Variants in CLNK observed in about 807,000 individuals in gnomAD.
CLNK encodes cytokine-dependent hematopoietic cell linker.
In CLNK, 74 loss-of-function variants were observed where a neutral mutation model predicts 68.6. The observed-to-expected ratio is 1.08, with a 90% CI of 0.89 to 1.31. The LOEUF is 1.31. CLNK is among the 50% of genes most tolerant of loss of function. CLNK has a pLI of 0.00. For synonymous variants in CLNK, 198 were observed against 172.2 expected (o/e 1.15, Z -1.17); for missense variants, 553 against 515.3 (o/e 1.07, Z -0.71).
chr4:10,538,440 TTAA>T (rs1718884866), intron 11 of CLNK, among the ~76,000 whole-genome samples: 1 of 152,254 alleles, frequency 6.6e-6, no homozygotes, highest in African/African-American at 2.4e-5. Context: ...CAATATTTTA[TTAA>T]TCCTATTTTC....
At chr4:10,575,168 TA>T (rs1337776383) in intron 4 of CLNK, among the ~76,000 whole-genome samples, 1 of 152,202 alleles carries the variant, frequency 6.6e-6, no homozygotes. Flanking sequence ...GGTAATCCCG[TA>T]CCTATCTCCA....
chr4:10,537,966 T>C (rs1465433631), intron 11 of CLNK, among the ~76,000 whole-genome samples: 2 of 151,826 alleles, frequency 1.3e-5, no homozygotes, highest in Non-Finnish European at 2.9e-5. Context: ...TTTTCTGAAG[T>C]CATACTGCCA....
chr4:10,601,083 C>T (rs1198698735), intron 2 of CLNK, among the ~76,000 whole-genome samples: 3 of 152,142 alleles, frequency 2.0e-5, no homozygotes, highest in Admixed American at 6.5e-5. Context: ...CCCTCAGTAG[C>T]GAATAGGCAG....
intron 11 of CLNK, among the ~76,000 whole-genome samples, chr4:10,537,400 C>T (rs776632235): frequency 2.0e-5 from 3 of 152,132 alleles, no homozygotes; most frequent in Non-Finnish European, 4.4e-5. Flanking sequence ...ATCAATTGAA[C>T]CCGGGAGGCA....
chr4:10,582,570 TATTTTATGGAA>T (rs565022084), intron 4 of CLNK, among the ~76,000 whole-genome samples: 48 of 152,318 alleles, frequency 3.2e-4, no homozygotes, highest in Non-Finnish European at 6.0e-4. Context: ...CTCATGAGTT[TATTTTATGGAA>T]AGCATTGCAC....
intron 8 of CLNK, among the ~76,000 whole-genome samples, chr4:10,547,525 C>A (rs1477851398): frequency 1.3e-5 from 2 of 152,102 alleles, no homozygotes; most frequent in Non-Finnish European, 2.9e-5. Flanking sequence ...ATCCTCTTAG[C>A]AAACTTTAAG....
intron 2 of CLNK, among the ~76,000 whole-genome samples, chr4:10,616,383 T>TTAACA (rs1207656868): frequency 6.6e-6 from 1 of 152,224 alleles, no homozygotes; most frequent in Admixed American, 6.5e-5. Context: ...AACAGTATGC[T>TTAACA]GTGTCAATAT....
At chr4:10,651,057 C>T (rs532131716) in intron 2 of CLNK, among the ~76,000 whole-genome samples, 1 of 152,260 alleles carries the variant, frequency 6.6e-6, no homozygotes, top group African/African-American at 2.4e-5. Flanking sequence ...AGAACAGATG[C>T]TGAAGAGGAT....
intron 2 of CLNK, among the ~76,000 whole-genome samples, chr4:10,643,332 G>A (rs573078269): frequency 5.9e-5 from 9 of 152,340 alleles, no homozygotes; most frequent in African/African-American, 1.9e-4. Context: ...TCTCTTGGAT[G>A]TCTACTCTGA....
At chr4:10,500,982 C>A (rs1170628293) in intron 18 of CLNK, among the ~76,000 whole-genome samples, 1 of 152,210 alleles carries the variant, frequency 6.6e-6, no homozygotes, top group Non-Finnish European at 1.5e-5. Flanking sequence ...CCGCTGGAAG[C>A]TTCCTGGGAG....
At chr4:10,504,151 T>C (rs187432432) in intron 17 of CLNK, among the ~76,000 whole-genome samples, 1,691 of 116,352 alleles carry the variant, frequency 0.015, 18 homozygotes, top group South Asian at 0.029. Context: ...GATGGAGTCA[T>C]GCTCTGTCGC....
the CLNK span, among the ~76,000 whole-genome samples, chr4:10,699,238 A>ACACACACAC: frequency 7.9e-6 from 1 of 126,238 alleles, no homozygotes; most frequent in African/African-American, 2.8e-5. Context: ...GTGTATACAC[A>ACACACACAC]CACATACACA....
In CLNK at chr4:10,558,389, C is replaced by T. The variant is rs190795308; in HGVS notation, c.445+18G>A. ...GTTTTCATACTTACATTTTAAACTTCGATTAACATGACTTTACCTTTAATG... is the reference window on the plus strand; with the variant it reads ...GTTTTCATACTTACATTTTAAACTTTGATTAACATGACTTTACCTTTAATG... On this transcript the variant is annotated intron_variant, in intron 8 of 18. Transcript: ENST00000226951. 2.0e-3 allele frequency: 3,211 copies of T among 1,611,102 alleles called. 36 individuals are homozygous for T. The highest frequency in any genetic ancestry group is 0.016 in the South Asian group (1,439 of 90,980).
At chr4:10,550,740 T>C (rs965452311) in intron 8 of CLNK, among the ~76,000 whole-genome samples, 7 of 152,210 alleles carry the variant, frequency 4.6e-5, no homozygotes, top group Non-Finnish European at 8.8e-5. Flanking sequence ...TTCATTTTTA[T>C]TGTCGATCCC....
chr4:10,509,090 A>C (rs1490630247), intron 16 of CLNK, among the ~76,000 whole-genome samples: 6 of 112,630 alleles, frequency 5.3e-5, no homozygotes, highest in Non-Finnish European at 8.4e-5. Context: ...CTGGTGACAG[A>C]GTGAGACTCG....
intron 2 of CLNK, among the ~76,000 whole-genome samples, chr4:10,626,449 G>A (rs756592485): frequency 3.9e-5 from 6 of 151,984 alleles, no homozygotes; most frequent in Non-Finnish European, 8.8e-5. Flanking sequence ...AAGACAACTG[G>A]AGAAAGTCAG....
At chr4:10,661,469 T>A (rs1007241695) in intron 2 of CLNK, among the ~76,000 whole-genome samples, 1 of 152,130 alleles carries the variant, frequency 6.6e-6, no homozygotes, top group Non-Finnish European at 1.5e-5. Flanking sequence ...GATTTTGGAG[T>A]CAGAAATATG....
chr4:10,593,009 G>A (rs774193001), intron 3 of CLNK, among the ~76,000 whole-genome samples: 7 of 152,166 alleles, frequency 4.6e-5, no homozygotes, highest in Non-Finnish European at 8.8e-5. Flanking sequence ...TTACAAGTGT[G>A]AGCCGCAGTG....
chr4:10,596,960 G>T (rs1369151678), intron 3 of CLNK, among the ~76,000 whole-genome samples: 1 of 152,144 alleles, frequency 6.6e-6, no homozygotes, highest in Non-Finnish European at 1.5e-5. Flanking sequence ...GACTTAAAAT[G>T]CATTATTCAA....
Sources: gnomAD v4.1 joint callset for allele counts (sites outside exome capture counted in the v4.1 genomes callset) on GRCh38, gnomAD v4.1.1 for gene constraint, MANE v1.5 for transcripts, NCBI Gene and HGNC (gene_info 2026-07-23, HGNC 2026-07-21) for gene names.